VOPP1: variants seen among roughly 807,000 people sequenced by gnomAD.
The protein encoded by VOPP1 is WW domain binding protein VOPP1.
Under a neutral mutation model 23.5 loss-of-function variants are expected in VOPP1, and 8 were observed. The observed-to-expected ratio is 0.34, with a 90% CI of 0.20 to 0.61. VOPP1 has a LOEUF of 0.61. VOPP1 is among the 20% of genes least tolerant of loss of function. The pLI, the probability that VOPP1 is intolerant of heterozygous loss-of-function variation, is 0.78. For missense variants in VOPP1, 174 were observed against 238.1 expected, an observed-to-expected ratio of 0.73 and a Z score of 1.77; for synonymous variants, 83 against 97.3, an observed-to-expected ratio of 0.85 and a Z score of 0.86.
intron 4 of VOPP1, among the ~76,000 whole-genome samples, chr7:55,473,420 G>A (rs1035560028): frequency 3.9e-5 from 6 of 152,210 alleles, no homozygotes; most frequent in African/African-American, 9.7e-5. Flanking sequence ...CTCTGGGCAC[G>A]CCATTGGCTG....
chr7:55,453,462 T>G (rs558956397), intron 4 of VOPP1, among the ~76,000 whole-genome samples: 51 of 152,236 alleles, frequency 3.4e-4, no homozygotes, highest in Non-Finnish European at 6.0e-4. Flanking sequence ...TTCCTTTCAC[T>G]TGAACACTTA....
At chr7:55,445,967 T>C (rs919261076) in intron 4 of VOPP1, among the ~76,000 whole-genome samples, 7 of 151,682 alleles carry the variant, frequency 4.6e-5, no homozygotes, top group Non-Finnish European at 7.4e-5. Context: ...TGGATAACAC[T>C]GTTGTGGAGG....
At chr7:55,450,740 C>T (rs1212610342) in intron 4 of VOPP1, among the ~76,000 whole-genome samples, 1 of 152,200 alleles carries the variant, frequency 6.6e-6, no homozygotes, top group Non-Finnish European at 1.5e-5. Context: ...TGCAAAATTC[C>T]TTTCTTCTAC....
intron 1 of VOPP1, among the ~76,000 whole-genome samples, chr7:55,532,479 T>C (rs1044014826): frequency 1.3e-5 from 2 of 152,242 alleles, no homozygotes; most frequent in African/African-American, 4.8e-5. Context: ...AGAATCATGG[T>C]CAAGTAAAGC....
Position 55,538,791 on chromosome 7 carries a change from GAAA to G in VOPP1, c.55-17664_55-17662del, listed in dbSNP as rs983566085. 8.5e-5 allele frequency: 47 copies of G among 551,698 alleles called. No homozygotes were observed. In the African/African-American group the frequency reaches 8.7e-4, roughly 10 times the overall value. The allele number at this position is 551,698 out of a possible 1,614,324, so 34.2% of individuals were successfully genotyped here. On this transcript the variant is annotated intron_variant, in intron 1 of 4. Coordinates refer to ENST00000285279, the MANE Select transcript of VOPP1 (RefSeq NM_030796.5). ...GCTGTGGGTTTGAGCTGCTGATGAG[GAAA>G]CATCTCCAAGCAACATTTCTTAAAA... is the stretch of plus-strand genomic sequence containing the variant.
intron 2 of VOPP1, among the ~76,000 whole-genome samples, chr7:55,516,502 C>A (rs958726931): frequency 1.3e-5 from 2 of 152,194 alleles, no homozygotes; most frequent in African/African-American, 4.8e-5. Flanking sequence ...ACCTACATTT[C>A]ATTAAAAGAG....
chr7:55,461,152 A>G (rs536127990), intron 4 of VOPP1, among the ~76,000 whole-genome samples: 15 of 152,248 alleles, frequency 9.9e-5, no homozygotes, highest in African/African-American at 2.4e-4. Flanking sequence ...ACCAAACACC[A>G]TATGTTCTCA....
At chr7:55,509,249 C>T (rs1389728712) in intron 2 of VOPP1, among the ~76,000 whole-genome samples, 1 of 152,178 alleles carries the variant, frequency 6.6e-6, no homozygotes, top group Non-Finnish European at 1.5e-5. Context: ...TGGTCTTAGT[C>T]CATTCAGGCT....
intron 1 of VOPP1, among the ~76,000 whole-genome samples, chr7:55,556,828 T>C (rs1797826226): frequency 6.6e-6 from 1 of 152,174 alleles, no homozygotes; most frequent in Admixed American, 6.5e-5. Context: ...TTGTTGTAGA[T>C]TAACTCCCCC....
At chr7:55,505,616 GA>G (rs913638727) in intron 2 of VOPP1, among the ~76,000 whole-genome samples, 3 of 125,262 alleles carry the variant, frequency 2.4e-5, no homozygotes, top group African/African-American at 5.9e-5. Context: ...TAGAAAGAGA[GA>G]GGGGGAAGGA....
chr7:55,556,642 C>CT (rs995863905), intron 1 of VOPP1, among the ~76,000 whole-genome samples: 2 of 151,038 alleles, frequency 1.3e-5, no homozygotes, highest in Non-Finnish European at 3.0e-5. Flanking sequence ...TGGAACCCCC[C>CT]CCCAAAACAC....
chr7:55,521,987 G>A, intron 1 of VOPP1: 1 of 809,036 alleles, frequency 1.2e-6, no homozygotes. Flanking sequence ...TGGCCCCCAT[G>A]TGTAAATAAA....
intron 2 of VOPP1, among the ~76,000 whole-genome samples, chr7:55,514,305 G>A (rs1795265066): frequency 6.6e-6 from 1 of 152,186 alleles, no homozygotes; most frequent in Non-Finnish European, 1.5e-5. Context: ...GCCAGCCAGG[G>A]TGTTGTGGAA....
chr7:55,450,499 G>T (rs73698728), intron 4 of VOPP1, among the ~76,000 whole-genome samples: 2,724 of 152,266 alleles, frequency 0.018, 80 homozygotes, highest in African/African-American at 0.062. Context: ...ATACAAACTG[G>T]ATTTTGAATA....
At chr7:55,499,745 T>C (rs1165869147) in intron 2 of VOPP1, among the ~76,000 whole-genome samples, 1 of 152,072 alleles carries the variant, frequency 6.6e-6, no homozygotes, top group Non-Finnish European at 1.5e-5. Context: ...GTCTCAGTGC[T>C]CGGGACGGGG....
Position 55,534,927 on chromosome 7 carries a change from C to A in VOPP1, c.55-13797G>T, listed in dbSNP as rs527690286. Among the ~76,000 whole-genome samples, 24 of 152,372 alleles carry A rather than the reference C, an allele frequency of 1.6e-4. No homozygotes were observed. The South Asian group carries it at 4.6e-3, about 29-fold the overall frequency. On this transcript the variant is annotated intron_variant, in intron 1 of 4. Transcript: ENST00000285279. ...TTGTCTCTTCCCAGGACATTCCTGC[C>A]ACACCACAAAGGAGGCTGGCATCAA...
chr7:55,476,127 C>T (rs1792229627), intron 4 of VOPP1, among the ~76,000 whole-genome samples: 1 of 152,200 alleles, frequency 6.6e-6, no homozygotes, highest in Admixed American at 6.5e-5. Context: ...TTAAAGGCCA[C>T]CACAGCCAGC....
intron 1 of VOPP1, among the ~76,000 whole-genome samples, chr7:55,535,389 C>T (rs1423581129): frequency 6.6e-6 from 1 of 152,188 alleles, no homozygotes; most frequent in African/African-American, 2.4e-5. Context: ...TCAGAGGGCA[C>T]TGGGGCAGGC....
At chr7:55,440,401 A>C (rs1439527654) in intron 4 of VOPP1, among the ~76,000 whole-genome samples, 1 of 152,100 alleles carries the variant, frequency 6.6e-6, no homozygotes, top group Non-Finnish European at 1.5e-5. Context: ...TGGGCAAGAG[A>C]CCATCCGTTT....
Sources: allele counts gnomAD v4.1 joint callset (sites outside exome capture counted in the v4.1 genomes callset), GRCh38; gene constraint gnomAD v4.1.1; transcripts MANE v1.5; gene names NCBI Gene and HGNC (gene_info 2026-07-23, HGNC 2026-07-21).